GXYLT1: variants seen among roughly 807,000 people sequenced by gnomAD.
GXYLT1 encodes glycosyltransferase 8 domain containing 3.
GXYLT1 carries 29 observed loss-of-function variants against 54.0 expected under a neutral mutation model. That is an observed-to-expected ratio of 0.54 (90% CI 0.40 to 0.73). The LOEUF (loss-of-function observed/expected upper bound fraction) is 0.73, where lower values mean the gene tolerates loss of function less well. Ranked by LOEUF, GXYLT1 falls within the 30% of genes least tolerant of loss-of-function variation. The probability of loss-of-function intolerance (pLI) is 0.00; values close to 1 mark genes in which losing one functional copy is unlikely to be tolerated. For missense variants in GXYLT1, 490 were observed against 553.4 expected, an observed-to-expected ratio of 0.89 and a Z score of 1.15; for synonymous variants, 176 against 204.1, an observed-to-expected ratio of 0.86 and a Z score of 1.17.
chr12:42,115,710 G>A (rs1024532512), intron 3 of GXYLT1, among the ~76,000 whole-genome samples: 1 of 151,800 alleles, frequency 6.6e-6, no homozygotes, highest in African/African-American at 2.4e-5. Context: ...ACTGCCCAAG[G>A]TAATTTATAG....
intron 1 of GXYLT1, 107 bp downstream of exon 1, chr12:42,144,315 GAGGA>G: frequency 1.6e-6 from 1 of 640,374 alleles, no homozygotes; most frequent in Non-Finnish European, 2.3e-6. Context: ...TCAGAGACAG[GAGGA>G]AAGACGCGGG....
chr12:42,097,024 C>T (rs977095784), intron 7 of GXYLT1, among the ~76,000 whole-genome samples: 7 of 151,958 alleles, frequency 4.6e-5, no homozygotes, highest in Non-Finnish European at 1.0e-4. Context: ...ATGCCAATGT[C>T]ATATAAGACA....
chr12:42,140,110 G>T (rs1011075407), intron 1 of GXYLT1, among the ~76,000 whole-genome samples: 27 of 149,488 alleles, frequency 1.8e-4, no homozygotes, highest in Non-Finnish European at 3.5e-4. Context: ...GAACCCGGGA[G>T]GCGGAGCTTG....
intron 1 of GXYLT1, among the ~76,000 whole-genome samples, chr12:42,141,797 C>G (rs888804146): frequency 1.3e-5 from 2 of 152,122 alleles, no homozygotes; most frequent in Admixed American, 1.3e-4. Flanking sequence ...ACTGAGAACA[C>G]GGGTTTATCT....
chr12:42,121,654 A>AG (rs981687864), intron 2 of GXYLT1, among the ~76,000 whole-genome samples: 2 of 142,750 alleles, frequency 1.4e-5, no homozygotes, highest in African/African-American at 5.1e-5. Context: ...ATGTTTCTCA[A>AG]GGAAAAAAAA....
At chr12:42,102,883 GTATT>G (rs966008214) in intron 5 of GXYLT1, among the ~76,000 whole-genome samples, 2 of 151,362 alleles carry the variant, frequency 1.3e-5, no homozygotes, top group African/African-American at 4.9e-5. Flanking sequence ...TTAAAAAGTT[GTATT>G]TAATATTTAA....
At chr12:42,116,646 G>A (rs1044959910) in intron 3 of GXYLT1, among the ~76,000 whole-genome samples, 16 of 152,208 alleles carry the variant, frequency 1.1e-4, no homozygotes, top group East Asian at 1.9e-4. Flanking sequence ...TGGAGAGGAT[G>A]TGGAGAAATA....
intron 3 of GXYLT1, among the ~76,000 whole-genome samples, chr12:42,118,272 A>T (rs1389869113): frequency 2.0e-5 from 3 of 152,232 alleles, no homozygotes; most frequent in African/African-American, 7.2e-5. Flanking sequence ...TCTCCTCTCA[A>T]AACAGGATTA....
intron 5 of GXYLT1, among the ~76,000 whole-genome samples, chr12:42,098,322 G>A (rs1257880993): frequency 3.3e-5 from 5 of 152,126 alleles, no homozygotes; most frequent in African/African-American, 4.8e-5. Flanking sequence ...TGGTACCTAC[G>A]TCTGGGCCTA....
chr12:42,113,168 A>G lies in GXYLT1; in HGVS notation c.487-3477T>C, dbSNP rs138384156. On this transcript the variant is annotated intron_variant, in intron 3 of 7. Transcript: ENST00000398675. ...GAAAGGAACAACCGGTACCAGCCAC[A>G]GCAAAATCATGCCAAAATGTAAAGA... Among the ~76,000 whole-genome samples the G allele has an allele frequency of 2.2e-4, 33 of 151,200 alleles. 1 individual carries two copies. Among genetic ancestry groups the G allele is most frequent in the African/African-American group, 6.7e-4 (27 of 40,504 alleles).
intron 2 of GXYLT1, among the ~76,000 whole-genome samples, chr12:42,127,143 A>G (rs780430835): frequency 4.6e-5 from 7 of 152,204 alleles, no homozygotes; most frequent in Non-Finnish European, 1.0e-4. Flanking sequence ...TGTGACATCA[A>G]AAGTGGTAGT....
At chr12:42,138,002 T>G (rs2065630589) in intron 1 of GXYLT1, among the ~76,000 whole-genome samples, 1 of 152,172 alleles carries the variant, frequency 6.6e-6, no homozygotes. Flanking sequence ...GCGCAGTGGC[T>G]CACGCCTGTA....
rs1166586835 is a variant in GXYLT1 at position 42,105,824 on chromosome 12, A to G, written c.858T>C (p.Tyr286=). The G allele has an allele frequency of 1.9e-6, 3 of 1,610,600 alleles. No individual in the cohort carries two copies. The African/African-American group carries it at 4.0e-5, about 22-fold the overall frequency. ...ACCTGTATTAGTGACTTACCTTGAA[A>G]TACTTCCTTCTCATTCGAGTCATGT... ...LMNMTRMRRK[Y]FKNDMTTVRL... Residue 286 remains tyrosine (Y), a synonymous_variant, in exon 5 of 8, where the codon TAT becomes TAC. Coordinates refer to ENST00000398675, the MANE Select transcript of GXYLT1 (RefSeq NM_173601.2).
chr12:42,103,904 G>C (rs2065404114), intron 5 of GXYLT1, among the ~76,000 whole-genome samples: 4 of 152,182 alleles, frequency 2.6e-5, no homozygotes, highest in African/African-American at 7.2e-5. Context: ...AAGGGAAAGG[G>C]AGAAACTATT....
intron 1 of GXYLT1, among the ~76,000 whole-genome samples, chr12:42,132,916 C>T (rs939501356): frequency 6.6e-6 from 1 of 152,124 alleles, no homozygotes; most frequent in Non-Finnish European, 1.5e-5. Flanking sequence ...AAGAGCCCTA[C>T]ACTTCTGCTA....
chr12:42,143,116 A>G (rs1201947343), intron 1 of GXYLT1, among the ~76,000 whole-genome samples: 1 of 152,256 alleles, frequency 6.6e-6, no homozygotes, highest in Non-Finnish European at 1.5e-5. Flanking sequence ...AATATCTAAG[A>G]CCAAGGCACT....
intron 2 of GXYLT1, among the ~76,000 whole-genome samples, chr12:42,126,305 C>T (rs1212731541): frequency 2.0e-5 from 3 of 152,094 alleles, no homozygotes; most frequent in African/African-American, 7.2e-5. Flanking sequence ...GAACTCCTGA[C>T]CTCAGGCGAT....
intron 2 of GXYLT1, among the ~76,000 whole-genome samples, chr12:42,121,889 C>A (rs143526118): frequency 6.6e-6 from 1 of 152,078 alleles, no homozygotes; most frequent in Non-Finnish European, 1.5e-5. Context: ...ATGTCTCTGA[C>A]AACCACCCTA....
chr12:42,143,784 A>G (rs1339106370), intron 1 of GXYLT1, among the ~76,000 whole-genome samples: 1 of 152,166 alleles, frequency 6.6e-6, no homozygotes, highest in Non-Finnish European at 1.5e-5. Context: ...AAGAAAGGTA[A>G]CTCCATCCCA....
Sources: gnomAD v4.1 joint callset for allele counts (sites outside exome capture counted in the v4.1 genomes callset) on GRCh38, gnomAD v4.1.1 for gene constraint, MANE v1.5 for transcripts, NCBI Gene and HGNC (gene_info 2026-07-23, HGNC 2026-07-21) for gene names.